The following STON2 variants were observed in gnomAD, a reference collection of about 807,000 sequenced individuals.
The protein encoded by STON2 is stonin-2.
A neutral mutation model predicts 65.7 loss-of-function variants in STON2; 29 were observed. That is an observed-to-expected ratio of 0.44 (90% CI 0.33 to 0.60). The LOEUF is 0.60. STON2 is among the 20% of genes least tolerant of loss of function. STON2 has a pLI of 0.03. For missense variants in STON2, 1,054 were observed against 1,118.1 expected (o/e 0.94, Z 0.82); for synonymous variants, 404 against 414.2 (o/e 0.98, Z 0.30).
intron 4 of STON2, among the ~76,000 whole-genome samples, chr14:81,342,475 C>T (rs774652728): frequency 3.3e-5 from 5 of 152,182 alleles, no homozygotes; most frequent in Non-Finnish European, 4.4e-5. Flanking sequence ...TGGAGCTCCA[C>T]ACAGAAATGT....
chr14:81,404,359 T>A (rs967959861), upstream of STON2, among the ~76,000 whole-genome samples: 6 of 152,202 alleles, frequency 3.9e-5, no homozygotes, highest in Non-Finnish European at 7.3e-5. Flanking sequence ...TCTAATAATT[T>A]TATACTGCTT....
At chr14:81,296,765 T>C (rs1429832002) in intron 5 of STON2, among the ~76,000 whole-genome samples, 1 of 152,218 alleles carries the variant, frequency 6.6e-6, no homozygotes, top group African/African-American at 2.4e-5. Context: ...ATTTCTATGC[T>C]ACTTCAAGAG....
At chr14:81,383,127 TA>T (rs1389367132) in intron 3 of STON2, among the ~76,000 whole-genome samples, 15 of 152,186 alleles carry the variant, frequency 9.9e-5, no homozygotes, top group Non-Finnish European at 1.9e-4. Context: ...CTTGAAGGAA[TA>T]AAGTGAAGGA....
At chr14:81,306,220 CTTTT>C (rs59730707) in intron 5 of STON2, among the ~76,000 whole-genome samples, 21 of 69,508 alleles carry the variant, frequency 3.0e-4, no homozygotes, top group African/African-American at 9.6e-4. Flanking sequence ...CATACATACT[CTTTT>C]TTTTTTTTTT....
In STON2 at chr14:81,408,301, A is replaced by G. The variant is rs559249513; in HGVS notation, c.-198-9721T>C. 1.8e-4 allele frequency among the ~76,000 whole-genome samples: 27 copies of G among 152,350 alleles called. 1 individual carries two copies. In the South Asian group the frequency reaches 5.2e-3, roughly 29 times the overall value. On this transcript the variant is annotated intron_variant, in intron 2 of 8. Transcript: ENST00000553821. ...ATTTAAATATTTTATTTTAAAAAAC[A>G]AAAGGAGACCACCCAATCTTCTTCC... is the stretch of plus-strand genomic sequence containing the variant.
intron 5 of STON2, among the ~76,000 whole-genome samples, chr14:81,293,367 T>G (rs2140162146): frequency 6.6e-6 from 1 of 152,140 alleles, no homozygotes; most frequent in South Asian, 2.1e-4. Context: ...AGAGATGGGG[T>G]TTCACTATGT....
chr14:81,378,015 T>A (rs146497107), intron 3 of STON2, among the ~76,000 whole-genome samples: 2,023 of 151,954 alleles, frequency 0.013, 52 homozygotes, highest in African/African-American at 0.046. Flanking sequence ...GCCTGGCTAA[T>A]TTTGTATTTT....
chr14:81,265,761 AAAAC>A lies in STON2; in HGVS notation c.*2649_*2652del, dbSNP rs1894336304. On this transcript the variant is annotated 3_prime_UTR_variant, in exon 8 of 8. Transcript: ENST00000614646. ...GGATTTTTCCCAACTCTTGGTAAAA[AAAAC>A]AAAAAAGTCCAGGTGCATGTACACA... 23 of 985,116 alleles carry A rather than the reference AAAAC, an allele frequency of 2.3e-5. No homozygotes were observed. Among genetic ancestry groups the A allele is most frequent in the Non-Finnish European group, 2.8e-5 (23 of 829,750 alleles). The allele number at this position is 985,116 out of a possible 1,614,324, so 61.0% of individuals were successfully genotyped here.
chr14:81,380,174 C>A (rs1229863451), intron 3 of STON2, among the ~76,000 whole-genome samples: 1 of 152,154 alleles, frequency 6.6e-6, no homozygotes, highest in African/African-American at 2.4e-5. Flanking sequence ...TTAAAATGGG[C>A]AAAGGCCATG....
chr14:81,330,233 AG>A (rs1011763606), intron 4 of STON2, among the ~76,000 whole-genome samples: 1 of 152,204 alleles, frequency 6.6e-6, no homozygotes, highest in African/African-American at 2.4e-5. Flanking sequence ...GCAATAATGC[AG>A]TGGAGAACCT....
chr14:81,269,388 A>AT (rs1894483069), intron 7 of STON2: 2 of 985,334 alleles, frequency 2.0e-6, no homozygotes, highest in Admixed American at 6.1e-5. Flanking sequence ...CTTCTGCAAA[A>AT]TACTGTCACT....
At chr14:81,312,739 T>G (rs748310331) in intron 5 of STON2, among the ~76,000 whole-genome samples, 1 of 152,260 alleles carries the variant, frequency 6.6e-6, no homozygotes. Context: ...TGCATTTGCT[T>G]GTATTGACCA....
chr14:81,338,065 C>A (rs1897445307), intron 4 of STON2, among the ~76,000 whole-genome samples: 1 of 152,210 alleles, frequency 6.6e-6, no homozygotes, highest in South Asian at 2.1e-4. Flanking sequence ...ATCTTCTGTT[C>A]TAATACTTGG....
intron 4 of STON2, among the ~76,000 whole-genome samples, chr14:81,326,005 T>C (rs1034262618): frequency 1.3e-5 from 2 of 152,066 alleles, no homozygotes; most frequent in Non-Finnish European, 2.9e-5. Context: ...ATGTATTAAT[T>C]GAATAAAGCC....
rs924262255 is a variant in STON2, at chr14:81,265,680, T to G, written c.*2734A>C. The G allele has an allele frequency of 3.6e-6, 1 of 274,684 alleles. No homozygotes were observed. Among genetic ancestry groups the G allele is most frequent in the Non-Finnish European group, 5.0e-6 (1 of 198,962 alleles). The allele number at this position is 274,684 out of a possible 1,614,324, so 17.0% of individuals were successfully genotyped here. A position where few individuals can be genotyped will look rare whatever the true frequency, so the allele number is the denominator to read the frequency against. ...AATAATAATAATAATAATAATACTC[T>G]GTCTCAATAATAATAATAATAATAA... On this transcript the variant is annotated 3_prime_UTR_variant, in exon 8 of 8. Transcript: ENST00000614646.
chr14:81,345,722 C>T (rs745729356), intron 4 of STON2, among the ~76,000 whole-genome samples: 59 of 152,126 alleles, frequency 3.9e-4, no homozygotes, highest in Non-Finnish European at 6.9e-4. Context: ...GATCATGCTG[C>T]TGCACTCTAG....
At chr14:81,310,384 T>A (rs1454899038) in intron 5 of STON2, among the ~76,000 whole-genome samples, 2 of 152,132 alleles carry the variant, frequency 1.3e-5, no homozygotes, top group Non-Finnish European at 2.9e-5. Context: ...TCAAAATGGG[T>A]CATTTAATTT....
chr14:81,318,576 C>T (rs993893032), intron 5 of STON2, among the ~76,000 whole-genome samples: 1 of 152,190 alleles, frequency 6.6e-6, no homozygotes, highest in Non-Finnish European at 1.5e-5. Flanking sequence ...ATAGGCTGGT[C>T]CTGGTAGCTC....
intron 5 of STON2, among the ~76,000 whole-genome samples, chr14:81,300,200 T>C (rs1440617064): frequency 6.6e-6 from 1 of 151,680 alleles, no homozygotes; most frequent in Non-Finnish European, 1.5e-5. Flanking sequence ...AGAAAAAAAG[T>C]TCTCAATAAA....
Sources: allele counts gnomAD v4.1 joint callset (sites outside exome capture counted in the v4.1 genomes callset), GRCh38; gene constraint gnomAD v4.1.1; transcripts MANE v1.5; gene names NCBI Gene and HGNC (gene_info 2026-07-23, HGNC 2026-07-21).